CCSER1: variants seen among roughly 807,000 people sequenced by gnomAD.
The protein encoded by CCSER1 is serine-rich coiled-coil domain-containing protein 1.
In CCSER1, 41 loss-of-function variants were observed where a neutral mutation model predicts 82.0. The ratio of observed to expected loss-of-function variants is 0.50; its 90% CI spans 0.39 to 0.65. The LOEUF (loss-of-function observed/expected upper bound fraction) is 0.65, where lower values mean the gene tolerates loss of function less well. Ranked by LOEUF, CCSER1 falls within the 30% of genes least tolerant of loss-of-function variation. The pLI, the probability that CCSER1 is intolerant of heterozygous loss-of-function variation, is 0.00. For missense variants in CCSER1, 1,119 were observed against 1,064.2 expected (o/e 1.05, Z -0.72); for synonymous variants, 414 against 383.9 (o/e 1.08, Z -0.92).
intron 7 of CCSER1, among the ~76,000 whole-genome samples, chr4:90,807,054 G>T (rs143013379): frequency 6.6e-6 from 1 of 151,956 alleles, no homozygotes; most frequent in East Asian, 1.9e-4. Context: ...AGTTTTTGTC[G>T]TAAGGTGGTT....
chr4:90,611,291 G>A (rs537402061), intron 5 of CCSER1, among the ~76,000 whole-genome samples: 13 of 151,782 alleles, frequency 8.6e-5, no homozygotes, highest in African/African-American at 3.1e-4. Flanking sequence ...TTAATGATTG[G>A]GCTATTTGGT....
intron 8 of CCSER1, among the ~76,000 whole-genome samples, chr4:90,850,651 A>G (rs1763771280): frequency 6.6e-6 from 1 of 152,206 alleles, no homozygotes; most frequent in Non-Finnish European, 1.5e-5. Flanking sequence ...TTTGGAATGG[A>G]CGCATTTACC....
At chr4:90,405,321 A>G (rs1753556519) in intron 4 of CCSER1, among the ~76,000 whole-genome samples, 1 of 152,122 alleles carries the variant, frequency 6.6e-6, no homozygotes, top group Admixed American at 6.6e-5. Flanking sequence ...AAGAAAAAAT[A>G]ACTAAAAAAT....
intron 6 of CCSER1, among the ~76,000 whole-genome samples, chr4:90,632,186 A>C (rs904194852): frequency 2.0e-5 from 3 of 152,116 alleles, no homozygotes; most frequent in Non-Finnish European, 4.4e-5. Context: ...GTGAGGTATC[A>C]CATGTTTAAT....
chr4:90,862,609 T>C (rs1470659885), intron 8 of CCSER1, among the ~76,000 whole-genome samples: 1 of 151,924 alleles, frequency 6.6e-6, no homozygotes, highest in Non-Finnish European at 1.5e-5. Flanking sequence ...TGATGGCAGC[T>C]TCACATTAGT....
At chr4:90,474,506 C>T (rs145287183) in intron 5 of CCSER1, among the ~76,000 whole-genome samples, 6 of 152,188 alleles carry the variant, frequency 3.9e-5, no homozygotes, top group Middle Eastern at 3.4e-3. Context: ...GAAATGGAGC[C>T]GACTTGGGAG....
chr4:90,454,175 T>A (rs941198222), intron 4 of CCSER1, among the ~76,000 whole-genome samples: 1 of 152,058 alleles, frequency 6.6e-6, no homozygotes, highest in Non-Finnish European at 1.5e-5. Flanking sequence ...GACTCTGGGG[T>A]TTGTGAGCCT....
intron 10 of CCSER1, among the ~76,000 whole-genome samples, chr4:91,269,853 T>C (rs1741892176): frequency 6.6e-6 from 1 of 152,200 alleles, no homozygotes; most frequent in African/African-American, 2.4e-5. Context: ...TGTGTACTTT[T>C]AAAATAATAT....
intron 10 of CCSER1, among the ~76,000 whole-genome samples, chr4:91,287,368 T>G (rs776296612): frequency 4.6e-5 from 7 of 152,006 alleles, no homozygotes; most frequent in Non-Finnish European, 1.0e-4. Context: ...TTTCCTGTCA[T>G]TTCCCTTTTT....
In CCSER1 at chr4:90,868,651, T is replaced by C. The variant is rs532075750; in HGVS notation, c.2094+52806T>C. ...AAATACTGGCTATTATGAACAGTGCTGCAACAAACATAAAAATGGAGATAT... is the reference window on the plus strand; with the variant it reads ...AAATACTGGCTATTATGAACAGTGCCGCAACAAACATAAAAATGGAGATAT... On this transcript the variant is annotated intron_variant, in intron 8 of 10. Transcript: ENST00000509176. Among the ~76,000 whole-genome samples, 5 of 152,222 alleles carry C rather than the reference T, an allele frequency of 3.3e-5. No homozygotes were observed. The South Asian group carries it at 1.0e-3, about 32-fold the overall frequency.
At chr4:91,111,147 AGCATGTTTATGCTGTTGCATTATGGG>A (rs1301386652) in intron 10 of CCSER1, among the ~76,000 whole-genome samples, 1 of 152,006 alleles carries the variant, frequency 6.6e-6, no homozygotes, top group East Asian at 1.9e-4. Context: ...TGAATTTTAA[AGCATGTTTATGCTGTTGCATTATGGG>A]GCAAACTCAG....
intron 5 of CCSER1, among the ~76,000 whole-genome samples, chr4:90,584,638 T>G (rs1781788771): frequency 6.6e-6 from 1 of 152,202 alleles, no homozygotes; most frequent in Admixed American, 6.5e-5. Flanking sequence ...GATAGAAGAC[T>G]AATACGCTTC....
intron 7 of CCSER1, among the ~76,000 whole-genome samples, chr4:90,772,537 A>G (rs1006278057): frequency 2.0e-5 from 3 of 152,330 alleles, no homozygotes; most frequent in East Asian, 3.9e-4. Flanking sequence ...ACAAGGAATT[A>G]TAAGTTTCTT....
chr4:91,182,237 G>A (rs746867620), intron 10 of CCSER1, among the ~76,000 whole-genome samples: 17 of 152,152 alleles, frequency 1.1e-4, no homozygotes, highest in Non-Finnish European at 2.2e-4. Context: ...TAAGTTTTCA[G>A]GTGTCTTGAT....
chr4:90,727,283 A>C (rs1407506889), intron 7 of CCSER1: 4 of 456,066 alleles, frequency 8.8e-6, no homozygotes, highest in South Asian at 4.6e-5. Flanking sequence ...CCAAAGGATA[A>C]CCAATTTTGC....
intron 8 of CCSER1, among the ~76,000 whole-genome samples, chr4:90,821,086 C>T (rs1759667245): frequency 6.6e-6 from 1 of 152,098 alleles, no homozygotes; most frequent in African/African-American, 2.4e-5. Flanking sequence ...GATTTCTATT[C>T]CCCACCCACT....
intron 9 of CCSER1, among the ~76,000 whole-genome samples, chr4:90,929,914 T>C (rs1280046104): frequency 6.6e-6 from 1 of 152,228 alleles, no homozygotes; most frequent in African/African-American, 2.4e-5. Context: ...ATGGTTGATG[T>C]GTTAATTTGT....
chr4:90,998,959 C>A (rs1737753812), intron 9 of CCSER1, among the ~76,000 whole-genome samples: 1 of 152,116 alleles, frequency 6.6e-6, no homozygotes, highest in Non-Finnish European at 1.5e-5. Context: ...GTGTCTAGCT[C>A]CCACTTATAA....
In CCSER1 at chr4:90,127,568, CCT is replaced by C. The variant is rs142199213; in HGVS notation, c.-290_-289del. On this transcript the variant is annotated 5_prime_UTR_variant, in exon 1 of 11. Transcript: ENST00000509176. ...GCCGACCTACTGCCAATCCGCCTCT[CCT>C]CTCTCTCTCTCTCTGTCTCAACATG... The C allele has an allele frequency of 1.3e-3, 189 of 149,422 alleles. No individual in the cohort carries two copies. Among genetic ancestry groups the C allele is most frequent in the Non-Finnish European group, 1.4e-3 (94 of 67,144 alleles). 9.3% of individuals were successfully genotyped at this position (149,422 alleles called of 1,614,324 possible).
Sources: gnomAD v4.1 joint callset for allele counts (sites outside exome capture counted in the v4.1 genomes callset) on GRCh38, gnomAD v4.1.1 for gene constraint, MANE v1.5 for transcripts, NCBI Gene and HGNC (gene_info 2026-07-23, HGNC 2026-07-21) for gene names.